TLN2: variants seen among roughly 807,000 people sequenced by gnomAD.
The protein encoded by TLN2 is talin 2.
A neutral mutation model predicts 294.7 loss-of-function variants in TLN2; 118 were observed. That is an observed-to-expected ratio of 0.40 (90% confidence interval 0.34 to 0.47). TLN2 has a LOEUF of 0.47. Among genes scored for constraint, TLN2 ranks in the 20% least tolerant of loss-of-function variants. TLN2 has a pLI of 0.84. For missense variants in TLN2, 3,083 were observed against 3,282.2 expected (o/e 0.94, Z 1.48); for synonymous variants, 1,431 against 1,304.5 (o/e 1.10, Z -2.09).
At chr15:62,535,730 A>T (rs938130215) in intron 1 of TLN2, among the ~76,000 whole-genome samples, 22 of 151,992 alleles carry the variant, frequency 1.4e-4, no homozygotes, top group African/African-American at 4.8e-4. Flanking sequence ...TAATTTTTGT[A>T]ATTTAGTAGA....
chr15:62,504,519 C>G (rs919089838), intron 1 of TLN2, among the ~76,000 whole-genome samples: 2 of 152,004 alleles, frequency 1.3e-5, no homozygotes, highest in Admixed American at 6.6e-5. Flanking sequence ...AGAAATAGAC[C>G]CACACATGTA....
chr15:62,713,917 C>CATATATATATATA (rs2059593637), intron 22 of TLN2, among the ~76,000 whole-genome samples: 1 of 122,646 alleles, frequency 8.2e-6, no homozygotes, highest in Non-Finnish European at 1.7e-5. Context: ...TATATATATG[C>CATATATATATATA]TGTGTGTGTG....
rs1196373911 is a variant in TLN2, at chr15:62,752,576, C to T, written c.4332+149C>T. The stretch of plus-strand genomic sequence containing the variant: ...TTCTGTGCTGGCTGGGGCATTTACA[C>T]AAAACATGAGCCAGTTACCCCCGAG... On this transcript the variant is annotated intron_variant, in intron 35 of 58. Coordinates refer to ENST00000636159, the MANE Select transcript of TLN2 (RefSeq NM_015059.3). 8.0e-6 allele frequency: 10 copies of T among 1,246,856 alleles called. No homozygotes were observed. In the African/African-American group the frequency reaches 1.5e-4, roughly 19 times the overall value. The allele number at this position is 1,246,856 out of a possible 1,614,324, so 77.2% of individuals were successfully genotyped here.
At chr15:62,489,920 T>C (rs944326266) in intron 1 of TLN2, among the ~76,000 whole-genome samples, 5 of 152,216 alleles carry the variant, frequency 3.3e-5, no homozygotes, top group African/African-American at 1.2e-4. Context: ...CTTCAGATGA[T>C]TGTAGCTCCT....
rs140566160 is a variant in TLN2 at position 62,516,833 on chromosome 15, T to G, written c.-237-72854T>G. On this transcript the variant is annotated intron_variant, in intron 1 of 58. Transcript: ENST00000636159. ...TTTTTTGGGGCTGCTTATTTAAGATTTTAGGTAGGAGGTGAGGTAATTGCA... is the reference window on the plus strand; with the variant it reads ...TTTTTTGGGGCTGCTTATTTAAGATGTTAGGTAGGAGGTGAGGTAATTGCA... Among the ~76,000 whole-genome samples the G allele has an allele frequency of 8.2e-4, 125 of 152,286 alleles. 2 individuals are homozygous for G. The East Asian group carries it at 0.019, about 23-fold the overall frequency.
chr15:62,412,358 C>G (rs968018613), intron 1 of TLN2, among the ~76,000 whole-genome samples: 1 of 152,148 alleles, frequency 6.6e-6, no homozygotes, highest in Admixed American at 6.5e-5. Flanking sequence ...GGGATTTGAA[C>G]TCAAGTTTCT....
Position 62,618,410 on chromosome 15 carries a change from G to T in TLN2, c.-102G>T, listed in dbSNP as rs796837298. 6 of 152,234 alleles carry T rather than the reference G, an allele frequency of 3.9e-5. No homozygotes were observed. Among genetic ancestry groups the T allele is most frequent in the African/African-American group, 1.4e-4 (6 of 41,536 alleles). The allele number at this position is 152,234 out of a possible 1,614,324, so 9.4% of individuals were successfully genotyped here. ...ACCCTGAGTTGATTCCTGAAACTTC[G>T]GACCCCTGGGTATTAACAGAGGACT... On this transcript the variant is annotated 5_prime_UTR_variant, in exon 3 of 59. Transcript: ENST00000636159.
intron 1 of TLN2, among the ~76,000 whole-genome samples, chr15:62,578,006 C>G (rs751918326): frequency 1.8e-4 from 28 of 152,128 alleles, no homozygotes; most frequent in Non-Finnish European, 3.2e-4. Context: ...ATCCATGTCC[C>G]TATAAAGGAC....
At chr15:62,806,986 A>G (rs1245152391) in intron 51 of TLN2, among the ~76,000 whole-genome samples, 1 of 152,070 alleles carries the variant, frequency 6.6e-6, no homozygotes, top group Admixed American at 6.5e-5. Context: ...TTTGTGTGCA[A>G]GGGCCTGGCC....
At chr15:62,822,592 A>G (rs562815527) in intron 54 of TLN2, among the ~76,000 whole-genome samples, 2 of 152,302 alleles carry the variant, frequency 1.3e-5, no homozygotes, top group South Asian at 4.1e-4. Flanking sequence ...CCTGGGTGGC[A>G]GTTTCAGTCC....
intron 45 of TLN2, among the ~76,000 whole-genome samples, chr15:62,790,660 C>A (rs1259018926): frequency 6.6e-6 from 1 of 152,240 alleles, no homozygotes; most frequent in East Asian, 1.9e-4. Context: ...TCTAGATTAT[C>A]TTACCCTGAA....
chr15:62,428,321 C>T lies in TLN2; in HGVS notation c.-238+37636C>T, dbSNP rs115859777. On this transcript the variant is annotated intron_variant, in intron 1 of 58. Coordinates refer to ENST00000636159, the MANE Select transcript of TLN2 (RefSeq NM_015059.3). ...GCAACTTGAGTCCAGTTAATGCACA[C>T]AGTAAAGGTTTCCAACTAGAAGCTT... is the stretch of plus-strand genomic sequence containing the variant. Among the ~76,000 whole-genome samples, 1,221 of 152,286 alleles carry T rather than the reference C, an allele frequency of 8.0e-3. 17 individuals are homozygous for T. The highest frequency in any genetic ancestry group is 0.028 in the African/African-American group (1,158 of 41,544).
intron 11 of TLN2, among the ~76,000 whole-genome samples, chr15:62,685,542 T>C (rs1302703357): frequency 6.6e-6 from 1 of 152,226 alleles, no homozygotes; most frequent in Non-Finnish European, 1.5e-5. Context: ...AGGGTTTGGA[T>C]AGATAGTGAC....
intron 42 of TLN2, among the ~76,000 whole-genome samples, chr15:62,773,066 G>A (rs2063453022): frequency 6.6e-6 from 1 of 152,040 alleles, no homozygotes; most frequent in African/African-American, 2.4e-5. Flanking sequence ...CTCAACTTCT[G>A]CTTTCTGGTA....
Position 62,653,240 on chromosome 15 carries a change from A to C in TLN2, c.443A>C (p.Lys148Thr). ...AAAGAGGAAGGAACGGGCACACTCA[A>C]AAAAGACAGGACACTGTTACGAGAT... ...EKKEEGTGTL[K>T]KDRTLLRDER... Residue 148 changes from lysine (K) to threonine (T), a missense_variant, in exon 7 of 59, where the codon AAA (lysine) becomes ACA (threonine). By Grantham distance (78) the Lys-to-Thr change is moderately conservative. Coordinates refer to ENST00000636159, the MANE Select transcript of TLN2 (RefSeq NM_015059.3). 1 of 1,613,622 alleles carries C rather than the reference A, an allele frequency of 6.2e-7. No homozygotes were observed. The highest frequency in any genetic ancestry group is 1.1e-5 in the South Asian group (1 of 90,734).
intron 1 of TLN2, among the ~76,000 whole-genome samples, chr15:62,531,445 A>G (rs7181504): frequency 0.076 from 11,610 of 152,218 alleles, 956 homozygotes; most frequent in African/African-American, 0.21. Context: ...CGAAGGCTCA[A>G]TTAGAGGAAT....
intron 3 of TLN2, among the ~76,000 whole-genome samples, chr15:62,631,702 T>TCTCC (rs550161532): frequency 1.1e-4 from 16 of 142,830 alleles, no homozygotes; most frequent in Admixed American, 3.6e-4. Flanking sequence ...TCTTTCTTTC[T>TCTCC]CTCCCTCCCT....
intron 1 of TLN2, among the ~76,000 whole-genome samples, chr15:62,561,968 C>T (rs573576151): frequency 9.2e-5 from 14 of 152,292 alleles, no homozygotes; most frequent in Middle Eastern, 3.4e-3. Context: ...CCTGCGTTCA[C>T]GTTTTGAGTT....
At chr15:62,515,247 A>G (rs1469859096) in intron 1 of TLN2, among the ~76,000 whole-genome samples, 1 of 152,202 alleles carries the variant, frequency 6.6e-6, no homozygotes, top group Non-Finnish European at 1.5e-5. Context: ...AGCTCTTGCT[A>G]TTAGCTCAGC....
Sources: gnomAD v4.1 joint callset for allele counts (sites outside exome capture counted in the v4.1 genomes callset) on GRCh38, gnomAD v4.1.1 for gene constraint, MANE v1.5 for transcripts, NCBI Gene and HGNC (gene_info 2026-07-23, HGNC 2026-07-21) for gene names.